Variants in GALNT3 observed in about 807,000 individuals in gnomAD.
GALNT3 encodes the protein polypeptide N-acetylgalactosaminyltransferase 3.
A neutral mutation model predicts 69.8 loss-of-function variants in GALNT3; 51 were observed. That is an observed-to-expected ratio of 0.73 (90% CI 0.58 to 0.92). The LOEUF (loss-of-function observed/expected upper bound fraction) is 0.92, where lower values mean the gene tolerates loss of function less well. Among genes scored for constraint, GALNT3 ranks in the 40% least tolerant of loss-of-function variants. The probability of loss-of-function intolerance (pLI) is 0.00; values close to 1 mark genes in which losing one functional copy is unlikely to be tolerated. For synonymous variants in GALNT3, 265 were observed against 248.5 expected, an observed-to-expected ratio of 1.07 and a Z score of -0.63; for missense variants, 711 against 760.0, an observed-to-expected ratio of 0.94 and a Z score of 0.76.
intron 9 of GALNT3, among the ~76,000 whole-genome samples, chr2:165,754,087 T>C (rs1276109109): frequency 6.6e-6 from 1 of 151,942 alleles, no homozygotes; most frequent in East Asian, 1.9e-4. Context: ...TTTTTTTTTT[T>C]TAATTTGTTT....
At chr2:165,781,393 A>C (rs760267776) in intron 1 of GALNT3, among the ~76,000 whole-genome samples, 54 of 151,976 alleles carry the variant, frequency 3.6e-4, no homozygotes, top group African/African-American at 1.1e-3. Flanking sequence ...CCAGGAGTGC[A>C]AGACCAGCCT....
At chr2:165,774,562 A>G (rs1688811743) in intron 1 of GALNT3, among the ~76,000 whole-genome samples, 1 of 151,964 alleles carries the variant, frequency 6.6e-6, no homozygotes, top group Non-Finnish European at 1.5e-5. Flanking sequence ...CAGTAATCCT[A>G]TCATTGTGAG....
At chr2:165,754,521 A>G (rs907508066) in intron 9 of GALNT3, 106 bp downstream of exon 9, 1 of 813,156 alleles carries the variant, frequency 1.2e-6, no homozygotes, top group Non-Finnish European at 2.1e-6. Context: ...TTTCACACAC[A>G]GCTTACCCAA....
Position 165,749,763 on chromosome 2 carries a change from C to T in GALNT3, c.1758G>A (p.Glu586=), listed in dbSNP as rs753718380. Residue 586 remains glutamate (E), a synonymous_variant, in exon 10 of 11, where the codon GAG becomes GAA. Transcript: ENST00000392701. ...GTACCTTCTGGATCTCCCATATCTG[C>T]TCTCCAGTGACAACTGTCTTGTGAC... is the stretch of plus-strand genomic sequence containing the variant. ...YKGHKTVVTG[E]QIWEIQKDQL... 3.1e-6 allele frequency: 5 copies of T among 1,613,528 alleles called. No individual in the cohort carries two copies. Among genetic ancestry groups the T allele is most frequent in the Non-Finnish European group, 4.2e-6 (5 of 1,179,538 alleles).
chr2:165,776,875 A>G (rs1559004666), intron 1 of GALNT3, among the ~76,000 whole-genome samples: 1 of 152,214 alleles, frequency 6.6e-6, no homozygotes, highest in Non-Finnish European at 1.5e-5. Context: ...ACAGCTTCTC[A>G]AACTTTAAAG....
intron 1 of GALNT3, among the ~76,000 whole-genome samples, chr2:165,778,753 A>G (rs1318494827): frequency 6.6e-6 from 1 of 152,160 alleles, no homozygotes; most frequent in African/African-American, 2.4e-5. Flanking sequence ...AGAACCCTAG[A>G]ACTAGCTAGG....
At position 165,764,013 on chromosome 2, in the gene GALNT3, T is replaced by C. The variant is rs147208992; in HGVS notation, c.688+871A>G. Among the ~76,000 whole-genome samples the C allele has an allele frequency of 1.7e-4, 26 of 152,294 alleles. No individual in the cohort carries two copies. In the East Asian group the frequency reaches 4.1e-3, roughly 24 times the overall value. On this transcript the variant is annotated intron_variant, in intron 3 of 10. Coordinates refer to ENST00000392701, the MANE Select transcript of GALNT3 (RefSeq NM_004482.4). The stretch of plus-strand genomic sequence containing the variant: ...TCAGGAATCTAACTCCAAACTTGGA[T>C]TTATTAAGGAATAAATTTTGTAATC...
intron 1 of GALNT3, among the ~76,000 whole-genome samples, chr2:165,788,865 G>A (rs1056628789): frequency 1.3e-5 from 2 of 152,104 alleles, no homozygotes; most frequent in African/African-American, 2.4e-5. Context: ...GGTTCTATCC[G>A]GTAAGCAACA....
intron 1 of GALNT3, among the ~76,000 whole-genome samples, chr2:165,775,087 G>A (rs1688823394): frequency 1.3e-5 from 2 of 151,864 alleles, no homozygotes; most frequent in Admixed American, 1.3e-4. Flanking sequence ...CAGACAGGGA[G>A]AGTCAAAGAG....
In GALNT3 at chr2:165,770,648, T is replaced by G; in HGVS notation, c.53A>C (p.Lys18Thr). Residue 18 changes from lysine to threonine, a missense_variant, in exon 2 of 11, where the codon AAA becomes ACA. Transcript: ENST00000392701. ...VKLHIKRHYHKKFWKLGAVIF... is the reference protein window; with the variant it reads ...VKLHIKRHYHTKFWKLGAVIF... ...TACTGCACCAAGCTTCCAGAACTTT[T>G]TATGGTAATGTCTTTTAATGTGTAA... The G allele has an allele frequency of 6.2e-7, 1 of 1,601,596 alleles. No individual in the cohort carries two copies. Among genetic ancestry groups the G allele is most frequent in the Non-Finnish European group, 8.5e-7 (1 of 1,177,026 alleles).
chr2:165,758,306 A>G (rs953765215), intron 6 of GALNT3, among the ~76,000 whole-genome samples: 2 of 152,224 alleles, frequency 1.3e-5, no homozygotes, highest in Admixed American at 1.3e-4. Flanking sequence ...AGTCTACCCA[A>G]AGCCTTTTTT....
intron 1 of GALNT3, among the ~76,000 whole-genome samples, chr2:165,774,774 G>T (rs1688815043): frequency 6.6e-6 from 1 of 152,056 alleles, no homozygotes; most frequent in Non-Finnish European, 1.5e-5. Context: ...AGAGGACCAA[G>T]ATTTCATCAG....
intron 1 of GALNT3, among the ~76,000 whole-genome samples, chr2:165,790,686 G>A (rs1395169418): frequency 1.3e-5 from 2 of 151,854 alleles, no homozygotes. Context: ...AATTGAAAGT[G>A]TCTACGGAAG....
chr2:165,786,155 T>C (rs1447393896), intron 1 of GALNT3, among the ~76,000 whole-genome samples: 3 of 152,190 alleles, frequency 2.0e-5, no homozygotes, highest in Non-Finnish European at 4.4e-5. Context: ...TTATCTACCA[T>C]AATAGGAAGT....
chr2:165,778,933 G>A (rs373978448), intron 1 of GALNT3, among the ~76,000 whole-genome samples: 905 of 5,360 alleles, frequency 0.17, 7 homozygotes, highest in African/African-American at 0.18. Flanking sequence ...GTGGGGCCCC[G>A]AGTTTGGCAT....
chr2:165,782,617 C>A (rs1390030778), intron 1 of GALNT3, among the ~76,000 whole-genome samples: 3 of 152,122 alleles, frequency 2.0e-5, no homozygotes, highest in Non-Finnish European at 4.4e-5. Context: ...CCCCCTGGAC[C>A]CACTATGAGT....
intron 1 of GALNT3, among the ~76,000 whole-genome samples, chr2:165,781,936 TCAATAG>T (rs1683119132): frequency 6.6e-6 from 1 of 152,138 alleles, no homozygotes; most frequent in African/African-American, 2.4e-5. Flanking sequence ...ATTAACTAAG[TCAATAG>T]CTACATACCA....
rs553207393 is a variant in GALNT3 at position 165,791,442 on chromosome 2, T to C, written c.-109+2573A>G. 1.6e-4 allele frequency among the ~76,000 whole-genome samples: 25 copies of C among 152,170 alleles called. No individual in the cohort carries two copies. In the East Asian group the frequency reaches 4.2e-3, roughly 26 times the overall value. ...TAGACCAACGTTTTTAAAAATAAAA[T>C]AATAAAGAACATACATGTTGTAAGG... On this transcript the variant is annotated intron_variant, in intron 1 of 10. Coordinates refer to ENST00000392701, the MANE Select transcript of GALNT3 (RefSeq NM_004482.4).
Position 165,761,992 on chromosome 2 carries a change from G to C in GALNT3, c.751C>G (p.Gln251Glu). 6.2e-7 allele frequency: 1 copy of C among 1,609,838 alleles called. No homozygotes were observed. Among genetic ancestry groups the C allele is most frequent in the Non-Finnish European group, 8.5e-7 (1 of 1,176,328 alleles). ...GTGATCAGACCTTTTCTTTCTCTTT[G>C]TCTGACTATTTTTACTATAGAAAAT... The part of the protein sequence containing the change: ...KQFSIVKIVR[Q>E]RERKGLITAR... The change falls in exon 4 of 11, where the codon CAA becomes GAA. Residue 251 changes from glutamine to glutamate, a missense_variant. By Grantham distance (29) the Gln-to-Glu change is conservative. Coordinates refer to ENST00000392701, the MANE Select transcript of GALNT3 (RefSeq NM_004482.4).
Sources: allele counts gnomAD v4.1 joint callset (sites outside exome capture counted in the v4.1 genomes callset), GRCh38; gene constraint gnomAD v4.1.1; transcripts MANE v1.5; gene names NCBI Gene and HGNC (gene_info 2026-07-23, HGNC 2026-07-21).